ACAD10: variants seen among roughly 807,000 people sequenced by gnomAD.
The protein encoded by ACAD10 is acyl-CoA dehydrogenase family member 10.
In ACAD10, 112 loss-of-function variants were observed where a neutral mutation model predicts 116.8. The ratio of observed to expected loss-of-function variants is 0.96; its 90% CI spans 0.82 to 1.12. The LOEUF (loss-of-function observed/expected upper bound fraction) is 1.12. ACAD10 is among the 50% of genes most tolerant of loss of function. ACAD10 has a pLI of 0.00. For missense variants in ACAD10, 1,259 were observed against 1,350.2 expected (o/e 0.93, Z 1.06); for synonymous variants, 486 against 510.6 (o/e 0.95, Z 0.65).
At chr12:111,727,419 G>A (rs1236724700) in intron 8 of ACAD10, among the ~76,000 whole-genome samples, 1 of 151,736 alleles carries the variant, frequency 6.6e-6, no homozygotes, top group Non-Finnish European at 1.5e-5. Flanking sequence ...AGCTACTCAG[G>A]AGGCTGAGGC....
intron 1 of ACAD10, chr12:111,690,386 G>A (rs923475898): frequency 2.0e-5 from 3 of 151,998 alleles, no homozygotes; most frequent in African/African-American, 4.8e-5. Context: ...AAGTACTTAC[G>A]TGTGGAATTT....
intron 8 of ACAD10, 38 bp from the exon 9 acceptor site, chr12:111,727,924 G>T (rs927412905): frequency 6.4e-7 from 1 of 1,568,600 alleles, no homozygotes; most frequent in Non-Finnish European, 8.6e-7. Context: ...GCCACATTAT[G>T]ACTCTGATCC....
Position 111,702,296 on chromosome 12 carries a change from C to G in ACAD10, c.322C>G (p.Leu108Val). 1.2e-6 allele frequency: 2 copies of G among 1,614,036 alleles called. No homozygotes were observed. Among genetic ancestry groups the G allele is most frequent in the Non-Finnish European group, 1.7e-6 (2 of 1,180,016 alleles). The change falls in exon 3 of 21, where the codon CTT becomes GTT. Residue 108 changes from leucine (L) to valine (V), a missense_variant. Transcript: ENST00000313698. The part of the protein sequence containing the change: ...AEGFLREFGR[L>V]CSEMLKTSVP... Reference sequence around the variant, plus strand: ...GGGTTTTTTACGAGAATTTGGGAGACTTTGCTCTGAAATGGTGAGTGGTAA... The same window carrying G: ...GGGTTTTTTACGAGAATTTGGGAGAGTTTGCTCTGAAATGGTGAGTGGTAA...
chr12:111,698,445 C>T (rs1262017560), intron 2 of ACAD10, among the ~76,000 whole-genome samples: 4 of 148,342 alleles, frequency 2.7e-5, no homozygotes, highest in African/African-American at 5.0e-5. Flanking sequence ...TCAGTTTTTC[C>T]GTGAATTGCT....
At chr12:111,704,908 C>G (rs1159296607) in intron 3 of ACAD10, among the ~76,000 whole-genome samples, 1 of 151,702 alleles carries the variant, frequency 6.6e-6, no homozygotes, top group Non-Finnish European at 1.5e-5. Context: ...AGGATGGTCT[C>G]GATCTCCTGA....
chr12:111,746,351 A>T, intron 14 of ACAD10, 67 bp downstream of exon 14: 1 of 1,522,802 alleles, frequency 6.6e-7, no homozygotes. Context: ...TCAATCCTAA[A>T]CAGATAAACC....
chr12:111,707,659 G>C (rs1047338296), intron 4 of ACAD10, among the ~76,000 whole-genome samples: 5 of 152,136 alleles, frequency 3.3e-5, no homozygotes, highest in African/African-American at 1.2e-4. Flanking sequence ...CTCAAGTATT[G>C]GACATTTTGC....
rs750378233 is a variant in ACAD10, at chr12:111,700,748, CTTTTTTTTTTTTTTTTT to C, written c.188-1405_188-1389del. 5.4e-4 allele frequency among the ~76,000 whole-genome samples: 49 copies of C among 89,912 alleles called. 1 individual carries two copies. Among genetic ancestry groups the C allele is most frequent in the Non-Finnish European group, 8.0e-4 (36 of 44,946 alleles). 59.0% of individuals were successfully genotyped at this position (89,912 alleles called of 152,430 possible). A position where few individuals can be genotyped will look rare whatever the true frequency, so the allele number is the denominator to read the frequency against. On this transcript the variant is annotated intron_variant, in intron 2 of 20. Coordinates refer to ENST00000313698, the MANE Select transcript of ACAD10 (RefSeq NM_025247.6). ...TTTCCTTCCTTCCTTCCTTCCTCTTCTTTTTTTTTTTTTTTTTTTTTTTTTAAGACATGGGGTCTTGC... is the reference window on the plus strand; with the variant it reads ...TTTCCTTCCTTCCTTCCTTCCTCTTCTTTTTTTTAAGACATGGGGTCTTGC...
intron 7 of ACAD10, 147 bp from the exon 8 acceptor site, chr12:111,721,524 T>C (rs1341281576): frequency 1.7e-5 from 10 of 604,162 alleles, no homozygotes; most frequent in Non-Finnish European, 8.3e-6. Context: ...GCCAAGATCG[T>C]GCCACTGCAC....
At chr12:111,728,892 A>G (rs624716) in intron 9 of ACAD10, among the ~76,000 whole-genome samples, 41,867 of 151,782 alleles carry the variant, frequency 0.28, 7,632 homozygotes, top group East Asian at 0.9. Context: ...TTTTTGCCAC[A>G]TTGCCCAGGC....
At chr12:111,713,928 G>A (rs1012205535) in intron 6 of ACAD10, among the ~76,000 whole-genome samples, 1 of 149,322 alleles carries the variant, frequency 6.7e-6, no homozygotes, top group Non-Finnish European at 1.5e-5. Context: ...GCAAGACTCC[G>A]TCCCCCCCCC....
chr12:111,748,192 A>C, intron 16 of ACAD10, 125 bp from the exon 17 acceptor site: 1 of 1,211,680 alleles, frequency 8.3e-7, no homozygotes, highest in African/African-American at 1.5e-5. Context: ...TCATCTGATT[A>C]CATGGAGCCT....
chr12:111,749,307 G>A lies in ACAD10; in HGVS notation c.2779G>A (p.Gly927Arg), dbSNP rs563131402. ...GRIHHCMRLI[G>R]FSERALALMK... ...GATCCATCACTGCATGAGGCTGATC[G>A]GGTTCTCAGAGAGGGCCCTGGCACT... Residue 927 changes from glycine to arginine, a missense_variant, in exon 18 of 21, where the codon GGG (glycine) becomes AGG (arginine). Coordinates refer to ENST00000313698, the MANE Select transcript of ACAD10 (RefSeq NM_025247.6). 1.4e-5 allele frequency: 22 copies of A among 1,613,856 alleles called. No homozygotes were observed. The African/African-American group carries it at 1.5e-4, about 11-fold the overall frequency.
intron 12 of ACAD10, among the ~76,000 whole-genome samples, chr12:111,741,772 C>G (rs957960339): frequency 6.6e-6 from 1 of 152,180 alleles, no homozygotes; most frequent in Admixed American, 6.5e-5. Flanking sequence ...GTACATTTGT[C>G]TTCTACAATT....
chr12:111,745,799 A>AGTGCTGG, intron 13 of ACAD10, among the ~76,000 whole-genome samples: 1 of 149,464 alleles, frequency 6.7e-6, no homozygotes, highest in South Asian at 2.1e-4. Flanking sequence ...GGCCTCCCAA[A>AGTGCTGG]GTGCTGGGAT....
rs1175153300 is a variant in ACAD10 at position 111,746,205 on chromosome 12, A to G, written c.2177A>G (p.Lys726Arg). 6 of 1,614,048 alleles carry G rather than the reference A, an allele frequency of 3.7e-6. No homozygotes were observed. The highest frequency in any genetic ancestry group is 4.2e-6 in the Non-Finnish European group (5 of 1,180,002). ...CTACCCTTAGAGGCTGATCCCGAGA[A>G]AAAATACGGAGCAGGACTGACCAAT... ...LFLPLEADPEKKYGAGLTNVE... is the reference protein window; with the variant it reads ...LFLPLEADPERKYGAGLTNVE... The change falls in exon 14 of 21, where the codon AAA becomes AGA. Residue 726 changes from lysine (K) to arginine (R), a missense_variant. Transcript: ENST00000313698.
At position 111,734,125 on chromosome 12, in the gene ACAD10, G is replaced by T. The variant is rs1889481043; in HGVS notation, c.1540+57G>T. 17 of 1,609,760 alleles carry T rather than the reference G, an allele frequency of 1.1e-5. No homozygotes were observed. The South Asian group carries it at 1.9e-4, about 18-fold the overall frequency. ...GCAAGCCAGTTCTCCAAGCATTTGGGAGCAAACTCAGCTGAAGTAGTCCGT... is the reference window on the plus strand; with the variant it reads ...GCAAGCCAGTTCTCCAAGCATTTGGTAGCAAACTCAGCTGAAGTAGTCCGT... On this transcript the variant is annotated intron_variant, in intron 11 of 20. Transcript: ENST00000313698.
intron 7 of ACAD10, among the ~76,000 whole-genome samples, chr12:111,716,938 G>GGT (rs1455150461): frequency 2.6e-5 from 4 of 152,180 alleles, no homozygotes; most frequent in South Asian, 2.1e-4. Flanking sequence ...AGTAAACCTT[G>GGT]GTATATATAC....
At chr12:111,755,418 T>A (rs893341161) in intron 19 of ACAD10, among the ~76,000 whole-genome samples, 2 of 152,060 alleles carry the variant, frequency 1.3e-5, no homozygotes, top group Admixed American at 6.6e-5. Flanking sequence ...TTGTTTGTTT[T>A]TGAGAGGGGG....
Sources: gnomAD v4.1 joint callset for allele counts (sites outside exome capture counted in the v4.1 genomes callset) on GRCh38, gnomAD v4.1.1 for gene constraint, MANE v1.5 for transcripts, NCBI Gene and HGNC (gene_info 2026-07-23, HGNC 2026-07-21) for gene names.